Variants in ZNF676 observed in about 807,000 individuals in gnomAD.
ZNF676 encodes zinc finger protein 676.
A neutral mutation model predicts 6.0 loss-of-function variants in ZNF676; 4 were observed. That is an observed-to-expected ratio of 0.67 (90% CI 0.33 to 1.53). ZNF676 has a LOEUF of 1.53. Ranked by LOEUF, ZNF676 falls within the 40% of genes most tolerant of loss-of-function variation. The pLI, the probability that ZNF676 is intolerant of heterozygous loss-of-function variation, is 0.06. For missense variants in ZNF676, 644 were observed against 679.7 expected (o/e 0.95, Z 0.58); for synonymous variants, 198 against 223.1 (o/e 0.89, Z 1.00).
the ZNF676 span, among the ~76,000 whole-genome samples, chr19:22,252,789 G>A: frequency 6.6e-6 from 1 of 152,188 alleles, no homozygotes; most frequent in Non-Finnish European, 1.5e-5. Context: ...TTGTCTCTAT[G>A]GGCAGAACCA....
chr19:22,203,585 A>C (rs2024047424), intron 1 of ZNF676: 1 of 151,948 alleles, frequency 6.6e-6, no homozygotes, highest in Non-Finnish European at 1.5e-5. Flanking sequence ...TAAAGGGGGT[A>C]TATTCTCAGC....
chr19:22,198,046 A>T (rs2023987903), upstream of ZNF676, among the ~76,000 whole-genome samples: 1 of 151,934 alleles, frequency 6.6e-6, no homozygotes, highest in African/African-American at 2.4e-5. Context: ...TCTCCTAACA[A>T]TTTTTTTTAG....
chr19:22,211,637 T>C lies in ZNF676; in HGVS notation c.3+3995A>G, dbSNP rs184131698. ...GTTATATGGGAACACTTCTAGGAGG[T>C]ACCTAGTTTCATCACATAAAATTTA... On this transcript the variant is annotated intron_variant, in intron 1 of 3. Coordinates refer to the ZNF676 transcript ENST00000650058. Among the ~76,000 whole-genome samples the C allele has an allele frequency of 2.8e-3, 426 of 152,188 alleles. 4 individuals are homozygous for C. Among genetic ancestry groups the C allele is most frequent in the African/African-American group, 9.8e-3 (406 of 41,520 alleles).
rs759807597 is a variant in ZNF676, at chr19:22,181,208, T to A, written c.509A>T (p.Lys170Ile). 6.2e-7 allele frequency: 1 copy of A among 1,613,914 alleles called. No homozygotes were observed. The highest frequency in any genetic ancestry group is 1.3e-5 in the African/African-American group (1 of 75,056). The change falls in exon 3 of 3, where the codon AAA becomes ATA. Residue 170 changes from lysine (K) to isoleucine (I), a missense_variant. Around this residue, in one of 5 missense-constraint regions of ZNF676, gnomAD observed 280 missense variants for 269.3 expected, o/e 1.04. Coordinates refer to ENST00000397121, the MANE Select transcript of ZNF676 (RefSeq NM_001001411.3). ...AAAAGCTTTGCCATTTTCTTCACAT[T>A]TGTAGGAATTCTCTCTAGTATAAAT... ...ERIYTRENSY[K>I]CEENGKAFNW...
intron 1 of ZNF676, among the ~76,000 whole-genome samples, chr19:22,194,797 C>A (rs1003406769): frequency 6.6e-6 from 1 of 152,110 alleles, no homozygotes; most frequent in South Asian, 2.1e-4. Context: ...CAGGCCACAA[C>A]CCCACTTCAA....
chr19:22,217,438 G>A (rs1033504798), upstream of ZNF676, among the ~76,000 whole-genome samples: 3 of 152,126 alleles, frequency 2.0e-5, no homozygotes, highest in African/African-American at 7.2e-5. Flanking sequence ...CCCAACCTCA[G>A]GTGATCGCCC....
chr19:22,215,588 C>A, intron 1 of ZNF676: 1 of 1,606,280 alleles, frequency 6.2e-7, no homozygotes. Flanking sequence ...CGGTTCCAAC[C>A]AGCCCAGGCC....
chr19:22,185,717 C>A (rs1285872056), intron 2 of ZNF676, among the ~76,000 whole-genome samples: 1 of 152,014 alleles, frequency 6.6e-6, no homozygotes, highest in African/African-American at 2.4e-5. Flanking sequence ...AAACACAGCA[C>A]GAGAACTTTG....
At chr19:22,204,232 G>A (rs138041713) in intron 1 of ZNF676, among the ~76,000 whole-genome samples, 1 of 152,164 alleles carries the variant, frequency 6.6e-6, no homozygotes, top group African/African-American at 2.4e-5. Flanking sequence ...AACATCTACT[G>A]TAACAATTTA....
chr19:22,210,704 A>T (rs2024120144), intron 1 of ZNF676, among the ~76,000 whole-genome samples: 1 of 151,920 alleles, frequency 6.6e-6, no homozygotes, highest in African/African-American at 2.4e-5. Context: ...CCAGGAAAAC[A>T]CTCTGCATAT....
intron 1 of ZNF676, among the ~76,000 whole-genome samples, chr19:22,202,364 G>GTAGGCAGAT (rs2024034678): frequency 6.6e-6 from 1 of 152,158 alleles, no homozygotes; most frequent in Admixed American, 6.5e-5. Context: ...TGCAGAGGAT[G>GTAGGCAGAT]ATAGATACCA....
Position 22,180,601 on chromosome 19 carries a change from T to C in ZNF676, c.1116A>G (p.Lys372=). The C allele has an allele frequency of 6.2e-7, 1 of 1,612,874 alleles. No homozygotes were observed. The highest frequency in any genetic ancestry group is 1.3e-5 in the African/African-American group (1 of 74,762). The change falls in exon 3 of 3, where the codon AAA becomes AAG. Residue 372 remains lysine (K), a synonymous_variant. Transcript: ENST00000397121. ...EKPYKCEGCG[K]AFSKVSTLNT... The stretch of plus-strand genomic sequence containing the variant: ...TAAGGGTTGAGACCTTACTAAAGGC[T>C]TTGCCACATCCTTCACATTTGTAGG...
chr19:22,208,250 GA>G (rs545159713), intron 1 of ZNF676, among the ~76,000 whole-genome samples: 6,893 of 117,552 alleles, frequency 0.059, 535 homozygotes, highest in African/African-American at 0.19. Flanking sequence ...AAGTTTACAA[GA>G]AAAAAAAAAA....
At chr19:22,245,112 T>C in the ZNF676 span, 1 of 152,236 alleles carries the variant, frequency 6.6e-6, no homozygotes, top group African/African-American at 2.4e-5. Context: ...ACCTAGGTGC[T>C]TGGTCCAGTA....
the ZNF676 span, among the ~76,000 whole-genome samples, chr19:22,234,962 GAGAA>G: frequency 0.1 from 10,381 of 101,048 alleles, 518 homozygotes; most frequent in Non-Finnish European, 0.12. Context: ...AAGAAAGCAA[GAGAA>G]AGAAAGAAAG....
At chr19:22,208,230 G>C (rs958702392) in intron 1 of ZNF676, among the ~76,000 whole-genome samples, 1 of 132,350 alleles carries the variant, frequency 7.6e-6, no homozygotes, top group Non-Finnish European at 1.6e-5. Context: ...GAATCCGTAA[G>C]AACTAAAACA....
At chr19:22,244,519 A>C in the ZNF676 span, 1 of 152,214 alleles carries the variant, frequency 6.6e-6, no homozygotes, top group Non-Finnish European at 1.5e-5. Flanking sequence ...TAAGTAGAAA[A>C]TGAGCAGAAG....
chr19:22,241,790 G>A, the ZNF676 span, among the ~76,000 whole-genome samples: 1 of 151,878 alleles, frequency 6.6e-6, no homozygotes, highest in Non-Finnish European at 1.5e-5. Context: ...TTGCCCATGA[G>A]ATGGTTTTAG....
At chr19:22,232,240 T>C in the ZNF676 span, among the ~76,000 whole-genome samples, 106 of 152,174 alleles carry the variant, frequency 7.0e-4, 1 homozygote, top group African/African-American at 2.4e-3. Flanking sequence ...TGATCTTGGC[T>C]CACTGCAACT....
Sources: gnomAD v4.1 joint callset for allele counts (sites outside exome capture counted in the v4.1 genomes callset) on GRCh38, gnomAD v4.1.1 for gene constraint, gnomAD v4.1.1 regional missense constraint, MANE v1.5 for transcripts, NCBI Gene and HGNC (gene_info 2026-07-23, HGNC 2026-07-21) for gene names.